Variants in LARGE1 observed in about 807,000 individuals in gnomAD.
The protein encoded by LARGE1 is LARGE xylosyl- and glucuronyltransferase 1.
A neutral mutation model predicts 87.6 loss-of-function variants in LARGE1; 43 were observed. That is an observed-to-expected ratio of 0.49 (90% CI 0.38 to 0.63). The LOEUF (loss-of-function observed/expected upper bound fraction) is 0.63. LARGE1 is among the 30% of genes least tolerant of loss of function. The pLI is 0.00. For missense variants in LARGE1, 802 were observed against 1,000.2 expected (o/e 0.80, Z 2.67); for synonymous variants, 434 against 394.6 (o/e 1.10, Z -1.18).
At position 33,640,312 on chromosome 22, in the gene LARGE1, A is replaced by G. The variant is rs576625419; in HGVS notation, c.408+10055T>C. On this transcript the variant is annotated intron_variant, in intron 3 of 14. Coordinates refer to ENST00000397394, the MANE Select transcript of LARGE1 (RefSeq NM_133642.5). ...CTTTGAAATATGACTGTAGCAGGCCAAGACTTTTAAGTGCATCTATTGGAG... is the reference window on the plus strand; with the variant it reads ...CTTTGAAATATGACTGTAGCAGGCCGAGACTTTTAAGTGCATCTATTGGAG... Among the ~76,000 whole-genome samples, 7 of 152,322 alleles carry G rather than the reference A, an allele frequency of 4.6e-5. No individual in the cohort carries two copies. In the South Asian group the frequency reaches 1.5e-3, roughly 32 times the overall value.
chr22:33,195,474 G>A (rs990270404), intron 11 of LARGE1, among the ~76,000 whole-genome samples: 11 of 151,896 alleles, frequency 7.2e-5, no homozygotes, highest in Non-Finnish European at 1.6e-4. Context: ...AAATTACCCA[G>A]AATACTTATC....
intron 1 of LARGE1, among the ~76,000 whole-genome samples, chr22:33,866,079 G>A (rs980946363): frequency 2.2e-4 from 34 of 151,946 alleles, no homozygotes; most frequent in Admixed American, 1.8e-3. Context: ...CAACTCCTGG[G>A]CTCAAGCAAT....
At chr22:33,096,445 C>A in the LARGE1 span, among the ~76,000 whole-genome samples, 1 of 151,318 alleles carries the variant, frequency 6.6e-6, no homozygotes, top group African/African-American at 2.4e-5. Context: ...GATATAATAC[C>A]CAATTTCTCG....
chr22:33,872,664 C>T (rs996100891), intron 1 of LARGE1, among the ~76,000 whole-genome samples: 12 of 152,116 alleles, frequency 7.9e-5, no homozygotes, highest in African/African-American at 2.9e-4. Context: ...ATGGAGCACA[C>T]TGGCAGGAAG....
At chr22:33,088,324 T>TC in the LARGE1 span, among the ~76,000 whole-genome samples, 18 of 152,108 alleles carry the variant, frequency 1.2e-4, no homozygotes, top group Non-Finnish European at 2.9e-5. Context: ...GGGGTTGTAG[T>TC]CCCCACACCA....
At chr22:33,460,350 A>T (rs781000028) in intron 6 of LARGE1, among the ~76,000 whole-genome samples, 26 of 152,170 alleles carry the variant, frequency 1.7e-4, no homozygotes, top group Non-Finnish European at 3.1e-4. Context: ...CTAATTTGCT[A>T]ATTTCCTAAC....
At chr22:33,285,051 T>C (rs1931256574) in intron 12 of LARGE1, among the ~76,000 whole-genome samples, 1 of 152,196 alleles carries the variant, frequency 6.6e-6, no homozygotes, top group Non-Finnish European at 1.5e-5. Flanking sequence ...ATACTGCCAC[T>C]TGGCACACCT....
chr22:33,327,029 C>A (rs73885048), intron 10 of LARGE1, among the ~76,000 whole-genome samples: 7 of 152,194 alleles, frequency 4.6e-5, no homozygotes, highest in Admixed American at 3.3e-4. Flanking sequence ...GGCTCTGCTG[C>A]CTGCTGCGTG....
At chr22:33,130,872 A>G in the LARGE1 span, among the ~76,000 whole-genome samples, 1 of 151,844 alleles carries the variant, frequency 6.6e-6, no homozygotes, top group Non-Finnish European at 1.5e-5. Flanking sequence ...TCTCTACTGA[A>G]CATACAAAAA....
chr22:33,101,224 G>A, the LARGE1 span, among the ~76,000 whole-genome samples: 2 of 152,048 alleles, frequency 1.3e-5, no homozygotes, highest in Non-Finnish European at 1.5e-5. Context: ...TATCCTCACC[G>A]TTCCTTACTA....
chr22:33,588,268 T>C (rs1054267343), intron 5 of LARGE1, among the ~76,000 whole-genome samples: 2 of 152,118 alleles, frequency 1.3e-5, no homozygotes, highest in African/African-American at 2.4e-5. Context: ...ATTTAACAAA[T>C]AAGTACACAA....
intron 12 of LARGE1, among the ~76,000 whole-genome samples, chr22:33,296,395 T>C (rs1343444768): frequency 6.6e-6 from 1 of 152,156 alleles, no homozygotes; most frequent in Non-Finnish European, 1.5e-5. Flanking sequence ...AAGATTAAAA[T>C]AGTTCCCTGG....
At chr22:33,152,422 T>C in the LARGE1 span, among the ~76,000 whole-genome samples, 1 of 152,204 alleles carries the variant, frequency 6.6e-6, no homozygotes, top group Non-Finnish European at 1.5e-5. Flanking sequence ...GGCCCGAGCA[T>C]TGTGCTGGCC....
At chr22:33,228,748 G>A (rs1176224368) in intron 11 of LARGE1, among the ~76,000 whole-genome samples, 1 of 152,196 alleles carries the variant, frequency 6.6e-6, no homozygotes, top group Non-Finnish European at 1.5e-5. Context: ...TTAAGTAAGA[G>A]ACAATGTTGC....
intron 2 of LARGE1, among the ~76,000 whole-genome samples, chr22:33,671,996 C>T (rs139496178): frequency 8.5e-5 from 13 of 152,142 alleles, no homozygotes; most frequent in African/African-American, 3.1e-4. Context: ...CATTTCTTAC[C>T]ACACATAAAA....
chr22:33,891,429 G>C (rs888213519), intron 1 of LARGE1, among the ~76,000 whole-genome samples: 3 of 117,620 alleles, frequency 2.6e-5, no homozygotes, highest in African/African-American at 1.2e-4. Context: ...ACCATGCTAT[G>C]TGCTAGCCAT....
At chr22:33,307,218 T>C (rs1048062808) in intron 11 of LARGE1, among the ~76,000 whole-genome samples, 1 of 152,194 alleles carries the variant, frequency 6.6e-6, no homozygotes, top group Admixed American at 6.5e-5. Flanking sequence ...TATTTAATCC[T>C]CATAGTAACT....
downstream of LARGE1, among the ~76,000 whole-genome samples, chr22:33,271,024 C>T (rs1227291401): frequency 1.3e-5 from 2 of 152,080 alleles, no homozygotes; most frequent in African/African-American, 4.8e-5. Context: ...AGAGTGGAAC[C>T]CAGCTGTCTG....
intron 1 of LARGE1, among the ~76,000 whole-genome samples, chr22:33,809,585 A>T (rs988803945): frequency 1.3e-5 from 2 of 152,254 alleles, no homozygotes; most frequent in African/African-American, 2.4e-5. Flanking sequence ...TTTCCAATGG[A>T]AATATTATAT....
Sources: gnomAD v4.1 joint callset for allele counts (sites outside exome capture counted in the v4.1 genomes callset) on GRCh38, gnomAD v4.1.1 for gene constraint, MANE v1.5 for transcripts, NCBI Gene and HGNC (gene_info 2026-07-23, HGNC 2026-07-21) for gene names.